Variants in KMT2C observed in about 807,000 individuals in gnomAD.
The protein encoded by KMT2C is histone-lysine N-methyltransferase 2C.
KMT2C carries 88 observed loss-of-function variants against 507.9 expected under a neutral mutation model. The observed-to-expected ratio is 0.17, with a 90% CI of 0.15 to 0.21. The LOEUF (loss-of-function observed/expected upper bound fraction) is 0.21, where lower values mean the gene tolerates loss of function less well. Among genes scored for constraint, KMT2C ranks in the 10% least tolerant of loss-of-function variants. The pLI is 1.00. For missense variants in KMT2C, 4,954 were observed against 5,957.8 expected (o/e 0.83, Z 5.55); for synonymous variants, 2,049 against 2,080.8 (o/e 0.98, Z 0.42).
intron 1 of KMT2C, among the ~76,000 whole-genome samples, chr7:152,390,163 A>C (rs1378109788): frequency 6.6e-6 from 1 of 152,176 alleles, no homozygotes; most frequent in Non-Finnish European, 1.5e-5. Flanking sequence ...GGCATTACAT[A>C]ATCTAGCCAT....
At chr7:152,318,626 CAAAAAAAAAAA>C (rs67446037) in intron 3 of KMT2C, among the ~76,000 whole-genome samples, 5 of 54,422 alleles carry the variant, frequency 9.2e-5, no homozygotes, top group South Asian at 1.2e-3. Flanking sequence ...GACTCCATCT[CAAAAAAAAAAA>C]AAAAAAAAAA....
chr7:152,238,167 G>A (rs1311230582), intron 15 of KMT2C, among the ~76,000 whole-genome samples: 2 of 152,304 alleles, frequency 1.3e-5, no homozygotes, highest in African/African-American at 4.8e-5. Context: ...AGTCAATGAA[G>A]TATTTTAACT....
chr7:152,317,872 G>A (rs1275754449), intron 3 of KMT2C, among the ~76,000 whole-genome samples: 1 of 152,166 alleles, frequency 6.6e-6, no homozygotes, highest in Non-Finnish European at 1.5e-5. Flanking sequence ...TGGGCATGGT[G>A]GCTCACACCT....
At chr7:152,173,120 T>C (rs750809760) in intron 39 of KMT2C, among the ~76,000 whole-genome samples, 6 of 152,168 alleles carry the variant, frequency 3.9e-5, no homozygotes, top group South Asian at 2.1e-4. Context: ...ATGAAAATCA[T>C]TGGAAACCAC....
chr7:152,262,556 G>A (rs1319179137), intron 9 of KMT2C, among the ~76,000 whole-genome samples: 7 of 152,170 alleles, frequency 4.6e-5, no homozygotes, highest in Non-Finnish European at 8.8e-5. Context: ...GGACCCAAAT[G>A]TTCACCAACA....
intron 1 of KMT2C, among the ~76,000 whole-genome samples, chr7:152,430,988 CTT>C (rs1227475015): frequency 2.0e-5 from 3 of 152,166 alleles, no homozygotes. Context: ...GTCTGGGAAA[CTT>C]TGCAGTTTTG....
In KMT2C at chr7:152,302,329, T is replaced by C. The variant is rs537446172; in HGVS notation, c.849+7637A>G. Among the ~76,000 whole-genome samples, 21 of 152,280 alleles carry C rather than the reference T, an allele frequency of 1.4e-4. 1 individual carries two copies. The highest frequency in any genetic ancestry group is 5.1e-4 in the African/African-American group (21 of 41,540). On this transcript the variant is annotated intron_variant, in intron 6 of 58. Coordinates refer to ENST00000262189, the MANE Select transcript of KMT2C (RefSeq NM_170606.3). ...ATCTCTGCCTCCAGGATTCAAGTGATTCTCCTGCCTCAGCCTCTCGAGTAG... is the reference window on the plus strand; with the variant it reads ...ATCTCTGCCTCCAGGATTCAAGTGACTCTCCTGCCTCAGCCTCTCGAGTAG...
At chr7:152,207,642 G>A (rs1468705880) in intron 23 of KMT2C, among the ~76,000 whole-genome samples, 3 of 152,064 alleles carry the variant, frequency 2.0e-5, no homozygotes, top group Non-Finnish European at 4.4e-5. Context: ...AACATAATCA[G>A]AGAAGGGGAA....
At chr7:152,333,869 T>G (rs965785070) in intron 2 of KMT2C, among the ~76,000 whole-genome samples, 1 of 152,196 alleles carries the variant, frequency 6.6e-6, no homozygotes, top group African/African-American at 2.4e-5. Context: ...ATAGAAAAGC[T>G]GACCTTAAAT....
chr7:152,431,628 C>T (rs1470489800), intron 1 of KMT2C, among the ~76,000 whole-genome samples: 1 of 149,884 alleles, frequency 6.7e-6, no homozygotes, highest in Non-Finnish European at 1.5e-5. Context: ...AGAAAAAAAA[C>T]AGGTTCTTAT....
At chr7:152,211,065 T>C (rs1235906538) in intron 23 of KMT2C, among the ~76,000 whole-genome samples, 2 of 152,058 alleles carry the variant, frequency 1.3e-5, no homozygotes, top group Non-Finnish European at 2.9e-5. Flanking sequence ...ATTTTAAAAA[T>C]CAAAAATAGA....
At chr7:152,415,670 G>A (rs1267919261) in intron 1 of KMT2C, among the ~76,000 whole-genome samples, 1 of 152,132 alleles carries the variant, frequency 6.6e-6, no homozygotes, top group Non-Finnish European at 1.5e-5. Flanking sequence ...CATGAGATCA[G>A]GTGCTCGAGA....
At chr7:152,427,582 C>T (rs993743849) in intron 1 of KMT2C, among the ~76,000 whole-genome samples, 2 of 152,146 alleles carry the variant, frequency 1.3e-5, no homozygotes, top group Non-Finnish European at 2.9e-5. Context: ...TTCTCTACTA[C>T]TAATACTGCT....
At chr7:152,265,414 T>C (rs1402222758) in intron 7 of KMT2C, among the ~76,000 whole-genome samples, 4 of 152,214 alleles carry the variant, frequency 2.6e-5, no homozygotes, top group Non-Finnish European at 1.5e-5. Context: ...TTAAATTTAA[T>C]CGTATAGTTT....
In KMT2C at chr7:152,187,246, T is replaced by C. The variant is rs375186588; in HGVS notation, c.5008+16A>G. 2.6e-5 allele frequency: 42 copies of C among 1,587,792 alleles called. No individual in the cohort carries two copies. Among genetic ancestry groups the C allele is most frequent in the Non-Finnish European group, 3.3e-5 (38 of 1,156,612 alleles). On this transcript the variant is annotated intron_variant, in intron 33 of 58. Coordinates refer to ENST00000262189, the MANE Select transcript of KMT2C (RefSeq NM_170606.3). ...GAAAATGTTGGTAAAACAGAAATAA[T>C]ATATTCATGGCTTACCAGGGAATTC...
intron 2 of KMT2C, among the ~76,000 whole-genome samples, chr7:152,352,503 G>A (rs371296449): frequency 7.2e-5 from 11 of 152,032 alleles, no homozygotes; most frequent in East Asian, 1.9e-4. Flanking sequence ...CTGGTTTTGC[G>A]GCCTGTGGGG....
chr7:152,243,014 C>G (rs1348537251), intron 14 of KMT2C, among the ~76,000 whole-genome samples: 1 of 152,156 alleles, frequency 6.6e-6, no homozygotes, highest in Non-Finnish European at 1.5e-5. Context: ...AAAGAGTTTA[C>G]AGTTTGTCTT....
chr7:152,394,202 A>G (rs2097522895), intron 1 of KMT2C, among the ~76,000 whole-genome samples: 2 of 152,120 alleles, frequency 1.3e-5, no homozygotes, highest in East Asian at 1.9e-4. Context: ...TAGTCTCAAC[A>G]CAGCAGCCAG....
At chr7:152,319,767 T>C (rs1256242426) in intron 3 of KMT2C, among the ~76,000 whole-genome samples, 1 of 152,082 alleles carries the variant, frequency 6.6e-6, no homozygotes, top group Non-Finnish European at 1.5e-5. Flanking sequence ...AGTAGAAAAT[T>C]AGTGAAAGTA....
Sources: allele counts gnomAD v4.1 joint callset (sites outside exome capture counted in the v4.1 genomes callset), GRCh38; gene constraint gnomAD v4.1.1; transcripts MANE v1.5; gene names NCBI Gene and HGNC (gene_info 2026-07-23, HGNC 2026-07-21).